Variants in PHF20 observed in about 807,000 individuals in gnomAD.
PHF20 encodes glioma-expressed antigen 2.
Under a neutral mutation model 113.5 loss-of-function variants are expected in PHF20, and 23 were observed. The observed-to-expected ratio is 0.20, with a 90% confidence interval of 0.15 to 0.29. The LOEUF is 0.29. PHF20 is among the 10% of genes least tolerant of loss of function. The pLI, the probability that PHF20 is intolerant of heterozygous loss-of-function variation, is 1.00. For missense variants in PHF20, 943 were observed against 1,219.6 expected, an observed-to-expected ratio of 0.77 and a Z score of 3.38; for synonymous variants, 434 against 457.3, an observed-to-expected ratio of 0.95 and a Z score of 0.65.
intron 1 of PHF20, among the ~76,000 whole-genome samples, chr20:35,782,955 A>G (rs1195331002): frequency 6.6e-6 from 1 of 152,198 alleles, no homozygotes; most frequent in Non-Finnish European, 1.5e-5. Flanking sequence ...GCACTCTGGG[A>G]GGCCAAGGCA....
chr20:35,792,591 A>G (rs1473286728), intron 1 of PHF20, among the ~76,000 whole-genome samples: 1 of 151,968 alleles, frequency 6.6e-6, no homozygotes, highest in East Asian at 1.9e-4. Flanking sequence ...TTGTCAAGTA[A>G]AAGGGACTAA....
chr20:35,920,064 C>T (rs1271789853), intron 13 of PHF20, among the ~76,000 whole-genome samples: 1 of 152,188 alleles, frequency 6.6e-6, no homozygotes, highest in East Asian at 1.9e-4. Flanking sequence ...TGTGTAATCA[C>T]TCCCGCAATC....
At chr20:35,795,861 T>A (rs1415935415) in intron 1 of PHF20, among the ~76,000 whole-genome samples, 3 of 150,920 alleles carry the variant, frequency 2.0e-5, no homozygotes, top group African/African-American at 7.3e-5. Flanking sequence ...TTATTATAAA[T>A]TTTTTTTTTG....
chr20:35,838,341 T>C (rs1436138325), intron 2 of PHF20: 1 of 152,204 alleles, frequency 6.6e-6, no homozygotes, highest in Non-Finnish European at 1.5e-5. Flanking sequence ...ATGAGTCTCA[T>C]GCTTCCTCTC....
chr20:35,787,103 A>G (rs1390289148), intron 1 of PHF20, among the ~76,000 whole-genome samples: 3 of 150,434 alleles, frequency 2.0e-5, no homozygotes, highest in Admixed American at 6.7e-5. Flanking sequence ...GTGATTCTCC[A>G]GCCTCAGCCT....
chr20:35,929,150 A>G (rs955909057), intron 14 of PHF20, among the ~76,000 whole-genome samples: 4 of 152,184 alleles, frequency 2.6e-5, no homozygotes, highest in Non-Finnish European at 5.9e-5. Context: ...TCCTACTCCC[A>G]GTTTTGCTTA....
At chr20:35,900,720 C>T (rs536845293) in intron 10 of PHF20, among the ~76,000 whole-genome samples, 93 of 152,056 alleles carry the variant, frequency 6.1e-4, no homozygotes, top group South Asian at 4.2e-4. Flanking sequence ...GCCTGTAATC[C>T]GAGCTACTCT....
At chr20:35,806,412 C>G (rs77160890) in intron 2 of PHF20, among the ~76,000 whole-genome samples, 1 of 151,562 alleles carries the variant, frequency 6.6e-6, no homozygotes, top group East Asian at 1.9e-4. Context: ...TCACCTGCCT[C>G]GGCTTCCCAA....
At chr20:35,932,782 GT>G (rs1365537285) in intron 15 of PHF20, among the ~76,000 whole-genome samples, 1 of 152,096 alleles carries the variant, frequency 6.6e-6, no homozygotes, top group Admixed American at 6.6e-5. Flanking sequence ...CATTCATGTT[GT>G]TTTACAACCA....
Position 35,869,482 on chromosome 20 carries a change from C to A in PHF20, c.853C>A (p.Leu285Met). 3 of 1,611,864 alleles carry A rather than the reference C, an allele frequency of 1.9e-6. No individual in the cohort carries two copies. The highest frequency in any genetic ancestry group is 2.5e-6 in the Non-Finnish European group (3 of 1,178,900). Residue 285 changes from leucine to methionine, a missense_variant, in exon 7 of 18, where the codon CTG (leucine) becomes ATG (methionine). By Grantham distance (15) the Leu-to-Met change is conservative. Coordinates refer to ENST00000374012, the MANE Select transcript of PHF20 (RefSeq NM_016436.5). ...SQTLQPITLE[L>M]RRRKISKGCE... ...AACTTTGCAACCAATAACATTGGAA[C>A]TGAGAAGAAGGAAAATATCAAAAGG...
chr20:35,929,803 T>C (rs2147111882), intron 14 of PHF20, among the ~76,000 whole-genome samples: 1 of 152,374 alleles, frequency 6.6e-6, no homozygotes, highest in Middle Eastern at 3.4e-3. Flanking sequence ...TCTACCTTTA[T>C]AGACTGACTC....
chr20:35,926,070 C>T (rs1293386025), intron 13 of PHF20, among the ~76,000 whole-genome samples: 2 of 139,230 alleles, frequency 1.4e-5, no homozygotes, highest in South Asian at 2.4e-4. Context: ...TGCAGTGAGC[C>T]GAGATTGTCC....
At position 35,863,360 on chromosome 20, in the gene PHF20, C is replaced by G. The variant is rs1469105948; in HGVS notation, c.768C>G (p.Pro256=). The part of the protein sequence containing the change: ...VKSPQENLRE[P]KRKRGRPPSI... Reference sequence around the variant, plus strand: ...GTCCACAAGAAAACTTGAGGGAACCCAAAAGAAAACGAGGCAGACCCCCTT... The same window carrying G: ...GTCCACAAGAAAACTTGAGGGAACCGAAAAGAAAACGAGGCAGACCCCCTT... Residue 256 remains proline (P), a synonymous_variant, in exon 6 of 18, where the codon CCC becomes CCG. Coordinates refer to ENST00000374012, the MANE Select transcript of PHF20 (RefSeq NM_016436.5). 6.2e-7 allele frequency: 1 copy of G among 1,607,906 alleles called. No individual in the cohort carries two copies. Among genetic ancestry groups the G allele is most frequent in the East Asian group, 2.2e-5 (1 of 44,852 alleles).
intron 1 of PHF20, among the ~76,000 whole-genome samples, chr20:35,787,722 C>T (rs2041450661): frequency 6.6e-6 from 1 of 150,666 alleles, no homozygotes; most frequent in Admixed American, 6.7e-5. Context: ...GTGCCCACCT[C>T]TGCCTCTCAA....
rs45475999 is a variant in PHF20, at chr20:35,948,254, G to T, written c.*627G>T. 7,640 of 152,876 alleles carry T rather than the reference G, an allele frequency of 0.05. 264 individuals carry two copies. Among genetic ancestry groups the T allele is most frequent in the Non-Finnish European group, 0.077 (5,264 of 68,204 alleles). The allele number at this position is 152,876 out of a possible 1,614,324, so 9.5% of individuals were successfully genotyped here. A position where few individuals can be genotyped will look rare whatever the true frequency, so the allele number is the denominator to read the frequency against. ...ATGCCTTCACCCCAGAGCTGGCTGGGTTATGGCTTTTGTAGCAGAGCCCAT... is the reference window on the plus strand; with the variant it reads ...ATGCCTTCACCCCAGAGCTGGCTGGTTTATGGCTTTTGTAGCAGAGCCCAT... On this transcript the variant is annotated 3_prime_UTR_variant, in exon 18 of 18. Transcript: ENST00000374012.
chr20:35,828,823 T>C (rs538322049), intron 2 of PHF20, among the ~76,000 whole-genome samples: 1 of 152,336 alleles, frequency 6.6e-6, no homozygotes, highest in East Asian at 1.9e-4. Context: ...TATAAACTAT[T>C]GATAGACTCC....
intron 5 of PHF20, among the ~76,000 whole-genome samples, chr20:35,861,551 C>A (rs2146969726): frequency 6.6e-6 from 1 of 152,216 alleles, no homozygotes; most frequent in Non-Finnish European, 1.5e-5. Flanking sequence ...CTTTGTGTAA[C>A]CAATTCCCAA....
At chr20:35,917,102 C>T (rs1213385350) in intron 12 of PHF20, 2 of 359,784 alleles carry the variant, frequency 5.6e-6, no homozygotes, top group Admixed American at 3.8e-5. Context: ...TGGATACAGA[C>T]AGACTGTAAG....
intron 15 of PHF20, 189 bp from the exon 16 acceptor site, chr20:35,938,508 G>A: frequency 1.6e-6 from 1 of 606,586 alleles, no homozygotes; most frequent in South Asian, 2.2e-5. Context: ...GACCACAGTG[G>A]GAGCTCACTA....
Sources: allele counts gnomAD v4.1 joint callset (sites outside exome capture counted in the v4.1 genomes callset), GRCh38; gene constraint gnomAD v4.1.1; transcripts MANE v1.5; gene names NCBI Gene and HGNC (gene_info 2026-07-23, HGNC 2026-07-21).